Variants in FAM168A observed in about 807,000 individuals in gnomAD.
FAM168A encodes protein FAM168A.
A neutral mutation model predicts 28.5 loss-of-function variants in FAM168A; 3 were observed. The ratio of observed to expected loss-of-function variants is 0.11; its 90% confidence interval spans 0.05 to 0.27. The LOEUF (loss-of-function observed/expected upper bound fraction) is 0.27, where lower values mean the gene tolerates loss of function less well. FAM168A is among the 10% of genes least tolerant of loss of function. The probability of loss-of-function intolerance (pLI) is 1.00; values close to 1 mark genes in which losing one functional copy is unlikely to be tolerated. For synonymous variants in FAM168A, 122 were observed against 124.2 expected, an observed-to-expected ratio of 0.98 and a Z score of 0.12; for missense variants, 222 against 311.5, an observed-to-expected ratio of 0.71 and a Z score of 2.16.
chr11:73,537,972 C>T (rs76383759), intron 1 of FAM168A, among the ~76,000 whole-genome samples: 5,962 of 152,216 alleles, frequency 0.039, 404 homozygotes, highest in African/African-American at 0.14. Flanking sequence ...AATTAATGAG[C>T]ACCAACTTAA....
At chr11:73,511,515 G>A (rs1001316049) in intron 1 of FAM168A, among the ~76,000 whole-genome samples, 1 of 149,298 alleles carries the variant, frequency 6.7e-6, no homozygotes, top group Non-Finnish European at 1.5e-5. Context: ...GGGATTACAG[G>A]CATGGCCACC....
intron 1 of FAM168A, chr11:73,580,172 C>A: frequency 2.5e-6 from 1 of 404,634 alleles, no homozygotes; most frequent in Non-Finnish European, 4.8e-6. Context: ...TGAGAACGAC[C>A]CCCAGACCAA....
At chr11:73,542,181 C>T (rs1943666257) in intron 1 of FAM168A, among the ~76,000 whole-genome samples, 1 of 152,176 alleles carries the variant, frequency 6.6e-6, no homozygotes, top group African/African-American at 2.4e-5. Flanking sequence ...ATGCTAATTA[C>T]TCCCAAATTT....
At chr11:73,584,469 CTTTTTT>C (rs1162075797) in intron 1 of FAM168A, among the ~76,000 whole-genome samples, 5 of 128,282 alleles carry the variant, frequency 3.9e-5, no homozygotes, top group East Asian at 2.2e-4. Flanking sequence ...GGCCCACTGA[CTTTTTT>C]TTTTTTTTTT....
At chr11:73,580,487 G>C in intron 1 of FAM168A, 1 of 619,086 alleles carries the variant, frequency 1.6e-6, no homozygotes, top group South Asian at 1.4e-5. Context: ...AACAGACCAG[G>C]GACAGAAAGC....
intron 1 of FAM168A, among the ~76,000 whole-genome samples, chr11:73,543,513 G>A (rs1484545559): frequency 6.6e-6 from 1 of 151,922 alleles, no homozygotes; most frequent in Admixed American, 6.6e-5. Context: ...CACCCACCTC[G>A]GTCTCCCAAA....
chr11:73,534,465 C>T (rs949247272), intron 1 of FAM168A, among the ~76,000 whole-genome samples: 2 of 150,778 alleles, frequency 1.3e-5, no homozygotes, highest in Non-Finnish European at 2.9e-5. Context: ...CGCAATGGTG[C>T]GATCGCAGTT....
At chr11:73,567,750 T>C (rs1944038701) in intron 1 of FAM168A, among the ~76,000 whole-genome samples, 5 of 152,240 alleles carry the variant, frequency 3.3e-5, no homozygotes, top group South Asian at 2.1e-4. Flanking sequence ...ATGTGTCCTC[T>C]ACTCTCTCTT....
intron 1 of FAM168A, among the ~76,000 whole-genome samples, chr11:73,499,620 A>G (rs1854964403): frequency 6.6e-6 from 1 of 152,106 alleles, no homozygotes; most frequent in Non-Finnish European, 1.5e-5. Flanking sequence ...AGAAGCTAAG[A>G]ACCTTGATAA....
intron 1 of FAM168A, among the ~76,000 whole-genome samples, chr11:73,571,535 C>G (rs1282325966): frequency 1.3e-5 from 2 of 152,018 alleles, no homozygotes; most frequent in African/African-American, 4.8e-5. Flanking sequence ...GACGGAGTCT[C>G]GTTCACTCAG....
chr11:73,561,421 T>G (rs1429269911), intron 1 of FAM168A, among the ~76,000 whole-genome samples: 2 of 152,026 alleles, frequency 1.3e-5, no homozygotes, highest in Admixed American at 1.3e-4. Flanking sequence ...TCCAAGAAAT[T>G]CAGGGGTAAA....
In FAM168A at chr11:73,403,870, G is replaced by A. The variant is rs1338525661; in HGVS notation, c.*2893C>T. The A allele has an allele frequency of 6.6e-6, 1 of 152,190 alleles. No homozygotes were observed. The highest frequency in any genetic ancestry group is 1.9e-4 in the East Asian group (1 of 5,194). The allele number at this position is 152,190 out of a possible 1,614,324, so 9.4% of individuals were successfully genotyped here. On this transcript the variant is annotated 3_prime_UTR_variant, in exon 8 of 8. Coordinates refer to ENST00000356467, the MANE Select transcript of FAM168A (RefSeq NM_015159.3). ...TTCAGTGCCTTATTTTCACCTTGGG[G>A]CCCCCCTTTGCTCTTGAATTACATA...
At chr11:73,495,454 C>T (rs1854852768) in intron 1 of FAM168A, among the ~76,000 whole-genome samples, 1 of 152,252 alleles carries the variant, frequency 6.6e-6, no homozygotes, top group Non-Finnish European at 1.5e-5. Context: ...CACTCCATCA[C>T]CACTGCTGGC....
intron 2 of FAM168A, chr11:73,452,273 C>T (rs1335497817): frequency 6.6e-6 from 1 of 152,264 alleles, no homozygotes; most frequent in Non-Finnish European, 1.5e-5. Context: ...GAAGGTGTAA[C>T]CTGGAACTGT....
At chr11:73,596,191 C>T (rs766385161) in intron 1 of FAM168A, among the ~76,000 whole-genome samples, 5 of 152,206 alleles carry the variant, frequency 3.3e-5, no homozygotes, top group African/African-American at 1.2e-4. Context: ...CAGGCTCACT[C>T]ATTAGTTCTC....
chr11:73,554,843 G>A (rs1943871156), intron 1 of FAM168A, among the ~76,000 whole-genome samples: 1 of 152,310 alleles, frequency 6.6e-6, no homozygotes, highest in South Asian at 2.1e-4. Context: ...GCAAAGCCAA[G>A]TTCAATGAGT....
intron 1 of FAM168A, among the ~76,000 whole-genome samples, chr11:73,539,515 C>T (rs866568902): frequency 3.4e-4 from 51 of 152,198 alleles, no homozygotes; most frequent in African/African-American, 1.2e-3. Context: ...ATGATCCACC[C>T]GCCTCGGCCT....
chr11:73,408,635 C>T (rs1866551527), intron 6 of FAM168A, among the ~76,000 whole-genome samples: 1 of 152,020 alleles, frequency 6.6e-6, no homozygotes, highest in Non-Finnish European at 1.5e-5. Context: ...CAAAAATTAG[C>T]TGGGTGTAGT....
intron 4 of FAM168A, 111 bp from the exon 5 acceptor site, chr11:73,411,647 G>A: frequency 6.9e-6 from 8 of 1,163,352 alleles, no homozygotes; most frequent in Admixed American, 3.9e-5. Flanking sequence ...AATCCAGGCT[G>A]GAAACAGAGA....
Sources: allele counts gnomAD v4.1 joint callset (sites outside exome capture counted in the v4.1 genomes callset), GRCh38; gene constraint gnomAD v4.1.1; transcripts MANE v1.5; gene names NCBI Gene and HGNC (gene_info 2026-07-23, HGNC 2026-07-21).